The following SNX14 variants were observed in gnomAD, a reference collection of about 807,000 sequenced individuals.
The protein encoded by SNX14 is sorting nexin 14.
Under a neutral mutation model 133.8 loss-of-function variants are expected in SNX14, and 93 were observed. The observed-to-expected ratio is 0.70, with a 90% confidence interval of 0.59 to 0.83. The LOEUF is 0.83. SNX14 is among the 40% of genes least tolerant of loss of function. SNX14 has a pLI of 0.00. For synonymous variants in SNX14, 368 were observed against 365.6 expected (o/e 1.01, Z -0.07); for missense variants, 945 against 1,094.9 (o/e 0.86, Z 1.93).
chr6:85,590,485 T>C (rs1802446210), intron 1 of SNX14, among the ~76,000 whole-genome samples: 3 of 152,212 alleles, frequency 2.0e-5, no homozygotes, highest in Admixed American at 1.3e-4. Context: ...CAGGAAGATA[T>C]ATTTAATACT....
At chr6:85,516,456 C>G (rs1276443613) in intron 23 of SNX14, among the ~76,000 whole-genome samples, 3 of 151,884 alleles carry the variant, frequency 2.0e-5, no homozygotes, top group Non-Finnish European at 4.4e-5. Context: ...AATCTTCCTA[C>G]AAACAAAACT....
At chr6:85,578,735 G>T (rs1798088772) in intron 1 of SNX14, among the ~76,000 whole-genome samples, 1 of 152,218 alleles carries the variant, frequency 6.6e-6, no homozygotes, top group Non-Finnish European at 1.5e-5. Flanking sequence ...ACAACATACA[G>T]AAAGAAAGCA....
intron 21 of SNX14, among the ~76,000 whole-genome samples, chr6:85,524,129 C>T (rs1030396555): frequency 1.3e-5 from 2 of 151,894 alleles, no homozygotes; most frequent in Non-Finnish European, 2.9e-5. Context: ...TTGCAGTGAG[C>T]CAAGATGGCA....
intron 1 of SNX14, among the ~76,000 whole-genome samples, chr6:85,577,480 T>C (rs1200017926): frequency 6.6e-6 from 1 of 151,938 alleles, no homozygotes; most frequent in Non-Finnish European, 1.5e-5. Flanking sequence ...TTTGGGCATG[T>C]TAAGTTTCAG....
chr6:85,510,086 G>C (rs1772274049), intron 26 of SNX14, among the ~76,000 whole-genome samples: 1 of 152,120 alleles, frequency 6.6e-6, no homozygotes, highest in Admixed American at 6.5e-5. Context: ...TGGCAATTCT[G>C]AAGTTGCTAT....
chr6:85,578,100 T>C (rs1047349370), intron 1 of SNX14, among the ~76,000 whole-genome samples: 5 of 151,998 alleles, frequency 3.3e-5, no homozygotes, highest in African/African-American at 1.2e-4. Flanking sequence ...AATGGTGATA[T>C]AGGAGAAAAG....
At position 85,574,396 on chromosome 6, in the gene SNX14, A is replaced by T. The variant is rs757450274; in HGVS notation, c.141-18T>A. The T allele has an allele frequency of 2.0e-6, 3 of 1,490,446 alleles. No individual in the cohort carries two copies. The highest frequency in any genetic ancestry group is 2.7e-5 in the South Asian group (2 of 75,090). The allele number at this position is 1,490,446 out of a possible 1,614,324, so 92.3% of individuals were successfully genotyped here. A position where few individuals can be genotyped will look rare whatever the true frequency, so the allele number is the denominator to read the frequency against. On this transcript the variant is annotated intron_variant, in intron 1 of 28. Transcript: ENST00000314673. ...GAATATACCTTAAAAATAAATGAAAATAATTATTACAACCAAAGAAAATGC... is the reference window on the plus strand; with the variant it reads ...GAATATACCTTAAAAATAAATGAAATTAATTATTACAACCAAAGAAAATGC...
chr6:85,508,661 C>G (rs1028123823), intron 26 of SNX14, among the ~76,000 whole-genome samples: 1 of 152,072 alleles, frequency 6.6e-6, no homozygotes, highest in African/African-American at 2.4e-5. Flanking sequence ...ATCTTACAAA[C>G]CAATCATTTT....
At chr6:85,526,581 A>G (rs562837811) in intron 20 of SNX14, among the ~76,000 whole-genome samples, 2 of 152,352 alleles carry the variant, frequency 1.3e-5, no homozygotes, top group South Asian at 4.1e-4. Context: ...AGTATCTGAC[A>G]CACAGGAAGT....
At position 85,543,732 on chromosome 6, in the gene SNX14, T is replaced by A; in HGVS notation, c.1137A>T (p.Pro379=). ...VEEFNDRILR[P]ELSNDEMLSL... is the part of the protein sequence containing the mutation. ...ACAGCATTTCATCATTTGATAATTC[T>A]GGTCGTAAAATTCTATCATTAAATT... Residue 379 remains proline, a synonymous_variant, in exon 13 of 29, where the codon CCA becomes CCT. Coordinates refer to ENST00000314673, the MANE Select transcript of SNX14 (RefSeq NM_153816.6). The A allele has an allele frequency of 6.4e-7, 1 of 1,566,676 alleles. No individual in the cohort carries two copies. The highest frequency in any genetic ancestry group is 8.7e-7 in the Non-Finnish European group (1 of 1,155,854).
At chr6:85,512,844 A>C (rs550217809) in intron 26 of SNX14, among the ~76,000 whole-genome samples, 1 of 152,138 alleles carries the variant, frequency 6.6e-6, no homozygotes, top group South Asian at 2.1e-4. Context: ...TTGCCGTATG[A>C]CCTCACTCTC....
In SNX14 at chr6:85,536,779, AC is replaced by A; in HGVS notation, c.1608+12del. 1 of 1,604,032 alleles carries A rather than the reference AC, an allele frequency of 6.2e-7. No homozygotes were observed. The highest frequency in any genetic ancestry group is 1.1e-5 in the South Asian group (1 of 89,532). ...GAAGTTATAAATAAATCAAATTGAT[AC>A]ATTTTACTTACAAAATCATCTTCAC... On this transcript the variant is annotated intron_variant, in intron 17 of 28. Coordinates refer to ENST00000314673, the MANE Select transcript of SNX14 (RefSeq NM_153816.6).
In SNX14 at chr6:85,507,144, A is replaced by C. The variant is rs532035688; in HGVS notation, c.2802+89T>G. 81 of 1,179,638 alleles carry C rather than the reference A, an allele frequency of 6.9e-5. No individual in the cohort carries two copies. In the East Asian group the frequency reaches 1.8e-3, roughly 27 times the overall value. 73.1% of individuals were successfully genotyped at this position (1,179,638 alleles called of 1,614,324 possible). A position where few individuals can be genotyped will look rare whatever the true frequency, so the allele number is the denominator to read the frequency against. On this transcript the variant is annotated intron_variant, in intron 28 of 28. Transcript: ENST00000314673. Reference sequence around the variant, plus strand: ...TAAAGAACCACAGAGAACAGAGACAAGGGTTTTCTTACATTTATGTCCCTA... The same window carrying C: ...TAAAGAACCACAGAGAACAGAGACACGGGTTTTCTTACATTTATGTCCCTA...
chr6:85,544,770 C>CA (rs1241443478), intron 12 of SNX14, among the ~76,000 whole-genome samples: 1 of 152,136 alleles, frequency 6.6e-6, no homozygotes, highest in Non-Finnish European at 1.5e-5. Context: ...TTCAGACACA[C>CA]AAAAGCTAAG....
intron 4 of SNX14, 40 bp from the exon 5 acceptor site, chr6:85,567,617 T>A: frequency 7.3e-7 from 1 of 1,361,666 alleles, no homozygotes; most frequent in South Asian, 1.4e-5. Context: ...ATAAAATTAA[T>A]TAGTTTTTGG....
At chr6:85,589,099 A>C (rs1189611337) in intron 1 of SNX14, 1 of 262,610 alleles carries the variant, frequency 3.8e-6, no homozygotes, top group Non-Finnish European at 7.8e-6. Context: ...TCTTTCTTCT[A>C]CCATTTGCTT....
At chr6:85,526,050 T>G (rs1255156379) in intron 21 of SNX14, 76 bp downstream of exon 21, 1 of 960,462 alleles carries the variant, frequency 1.0e-6, no homozygotes, top group East Asian at 2.8e-5. Context: ...CTATACTATA[T>G]ATTTTTCTAA....
intron 1 of SNX14, among the ~76,000 whole-genome samples, chr6:85,577,504 C>T (rs1262602100): frequency 2.0e-5 from 3 of 152,052 alleles, no homozygotes; most frequent in Non-Finnish European, 2.9e-5. Flanking sequence ...TTTTAAAACA[C>T]GCTACACAGA....
intron 15 of SNX14, among the ~76,000 whole-genome samples, chr6:85,539,718 AT>A (rs769788454): frequency 5.9e-5 from 9 of 151,996 alleles, no homozygotes; most frequent in Non-Finnish European, 8.8e-5. Flanking sequence ...ATAGTTAACT[AT>A]TAAAATCAGA....
Sources: allele counts gnomAD v4.1 joint callset (sites outside exome capture counted in the v4.1 genomes callset), GRCh38; gene constraint gnomAD v4.1.1; transcripts MANE v1.5; gene names NCBI Gene and HGNC (gene_info 2026-07-23, HGNC 2026-07-21).